Variants in IRF8 observed in about 807,000 individuals in gnomAD.
IRF8 encodes the protein interferon regulatory factor 8.
Under a neutral mutation model 48.7 loss-of-function variants are expected in IRF8, and 14 were observed. That is an observed-to-expected ratio of 0.29 (90% CI 0.19 to 0.45). The LOEUF (loss-of-function observed/expected upper bound fraction) is 0.45, where lower values mean the gene tolerates loss of function less well. IRF8 is among the 20% of genes least tolerant of loss of function. The pLI, the probability that IRF8 is intolerant of heterozygous loss-of-function variation, is 1.00. For missense variants in IRF8, 493 were observed against 580.7 expected (o/e 0.85, Z 1.55); for synonymous variants, 278 against 227.3 (o/e 1.22, Z -2.01).
intron 6 of IRF8, among the ~76,000 whole-genome samples, chr16:85,915,213 G>C (rs1317600824): frequency 1.3e-5 from 2 of 152,236 alleles, no homozygotes; most frequent in Non-Finnish European, 2.9e-5. Flanking sequence ...CTGCACTTCT[G>C]CCAGCTGCCC....
rs1905071106 is a variant in IRF8 at position 85,908,883 on chromosome 16, AC to A, written c.175-106del. ...GAAATTGAATGAGAGTTGATGGCCA[AC>A]AAAGATTCATGGGAAGGGAAGGATG... On this transcript the variant is annotated intron_variant, in intron 2 of 8. Transcript: ENST00000268638. 4 of 997,904 alleles carry A rather than the reference AC, an allele frequency of 4.0e-6. No homozygotes were observed. In the East Asian group the frequency reaches 9.5e-5, roughly 24 times the overall value. 61.8% of individuals were successfully genotyped at this position (997,904 alleles called of 1,614,324 possible). A position where few individuals can be genotyped will look rare whatever the true frequency, so the allele number is the denominator to read the frequency against.
At chr16:85,904,616 C>T (rs147798685) in intron 2 of IRF8, among the ~76,000 whole-genome samples, 71 of 152,170 alleles carry the variant, frequency 4.7e-4, no homozygotes, top group Admixed American at 4.3e-3. Flanking sequence ...TTACTGACCA[C>T]GCCAAGGAAT....
In IRF8 at chr16:85,914,604, G is replaced by C. The variant is rs1181239858; in HGVS notation, c.601+84G>C. 9.3e-6 allele frequency: 14 copies of C among 1,500,162 alleles called. No homozygotes were observed. In the South Asian group the frequency reaches 1.1e-4, roughly 12 times the overall value. 92.9% of individuals were successfully genotyped at this position (1,500,162 alleles called of 1,614,324 possible). Reference sequence around the variant, plus strand: ...AACCCAAGCAGGGTTGCGGGGTTTCGAGGATGAGCAGGACCTGGTGTGGAA... The same window carrying C: ...AACCCAAGCAGGGTTGCGGGGTTTCCAGGATGAGCAGGACCTGGTGTGGAA... On this transcript the variant is annotated intron_variant, in intron 6 of 8. Transcript: ENST00000268638.
intron 1 of IRF8, among the ~76,000 whole-genome samples, chr16:85,899,984 T>A (rs1904777837): frequency 6.6e-6 from 1 of 152,300 alleles, no homozygotes; most frequent in African/African-American, 2.4e-5. Context: ...GCCCCCCACT[T>A]TCTTTTTTTA....
In IRF8 at chr16:85,920,159, G is replaced by T; in HGVS notation, c.1039G>T (p.Val347Leu). 1.2e-6 allele frequency: 2 copies of T among 1,613,998 alleles called. No individual in the cohort carries two copies. The highest frequency in any genetic ancestry group is 8.5e-7 in the Non-Finnish European group (1 of 1,179,978). ...GGGCCGGCTTCCTGACGGCAGGGTG[G>T]TGCTGTGCTTTGGGGAAGAGTTTCC... is the stretch of plus-strand genomic sequence containing the variant. The part of the protein sequence containing the change: ...SQGRLPDGRV[V>L]LCFGEEFPDM... The change falls in exon 8 of 9, where the codon GTG (valine) becomes TTG (leucine). Residue 347 changes from valine to leucine, a missense_variant. Coordinates refer to ENST00000268638, the MANE Select transcript of IRF8 (RefSeq NM_002163.4).
At chr16:85,904,159 G>A (rs981082230) in intron 2 of IRF8, among the ~76,000 whole-genome samples, 9 of 152,170 alleles carry the variant, frequency 5.9e-5, no homozygotes, top group South Asian at 2.1e-4. Flanking sequence ...AGACTTCCAC[G>A]TTTGCCAGTG....
chr16:85,900,363 A>G (rs1484295119), intron 1 of IRF8, among the ~76,000 whole-genome samples: 1 of 152,208 alleles, frequency 6.6e-6, no homozygotes, highest in Non-Finnish European at 1.5e-5. Context: ...CAAAATCAAG[A>G]AGAGGAAGTT....
At chr16:85,908,276 C>T (rs1206814957) in intron 2 of IRF8, among the ~76,000 whole-genome samples, 1 of 152,136 alleles carries the variant, frequency 6.6e-6, no homozygotes, top group Non-Finnish European at 1.5e-5. Context: ...ATTCACCTGT[C>T]TTATTTTTTT....
chr16:85,915,993 C>T (rs993513368), intron 6 of IRF8, among the ~76,000 whole-genome samples: 1 of 151,560 alleles, frequency 6.6e-6, no homozygotes, highest in African/African-American at 2.4e-5. Context: ...TAATAATCTA[C>T]CTTACAGGGT....
chr16:85,903,706 C>G (rs948138496), intron 2 of IRF8, among the ~76,000 whole-genome samples: 1 of 152,166 alleles, frequency 6.6e-6, no homozygotes, highest in African/African-American at 2.4e-5. Flanking sequence ...GTCTCACCTC[C>G]CTTGAGAGTA....
intron 2 of IRF8, among the ~76,000 whole-genome samples, chr16:85,906,063 GA>G (rs1296886709): frequency 1.3e-5 from 2 of 152,194 alleles, no homozygotes; most frequent in Admixed American, 6.5e-5. Flanking sequence ...GACAAGGGGG[GA>G]AAATCTAGTT....
chr16:85,902,750 C>T lies in IRF8; in HGVS notation c.-1-265C>T, dbSNP rs1319832748. 2.3e-5 allele frequency: 12 copies of T among 516,866 alleles called. No homozygotes were observed. The Admixed American group carries it at 2.9e-4, about 12-fold the overall frequency. The allele number at this position is 516,866 out of a possible 1,614,324, so 32.0% of individuals were successfully genotyped here. ...CAGATGAAAGCTGGAAGGAGCACAGCCAGCACAGTGGGAGGGGCCTGCAGG... is the reference window on the plus strand; with the variant it reads ...CAGATGAAAGCTGGAAGGAGCACAGTCAGCACAGTGGGAGGGGCCTGCAGG... On this transcript the variant is annotated intron_variant, in intron 1 of 8. Coordinates refer to ENST00000268638, the MANE Select transcript of IRF8 (RefSeq NM_002163.4).
chr16:85,902,348 T>C (rs1904850624), intron 1 of IRF8, among the ~76,000 whole-genome samples: 2 of 152,240 alleles, frequency 1.3e-5, no homozygotes, highest in African/African-American at 4.8e-5. Context: ...AGGTAGTGTT[T>C]TGTTAGCTGC....
Position 85,903,051 on chromosome 16 carries a change from G to A in IRF8, c.36G>A (p.Gln12=). 6.2e-7 allele frequency: 1 copy of A among 1,614,200 alleles called. No homozygotes were observed. The highest frequency in any genetic ancestry group is 1.3e-5 in the African/African-American group (1 of 75,050). ...GGAATGGTGGTCGGCGGCTTCGACA[G>A]TGGCTGATCGAGCAGATTGACAGTA... The part of the protein sequence containing the change: ...CDRNGGRRLR[Q]WLIEQIDSSM... The change falls in exon 2 of 9, where the codon CAG becomes CAA. Residue 12 remains glutamine (Q), a synonymous_variant. Coordinates refer to ENST00000268638, the MANE Select transcript of IRF8 (RefSeq NM_002163.4).
At chr16:85,915,183 T>G (rs1035400656) in intron 6 of IRF8, among the ~76,000 whole-genome samples, 2 of 152,216 alleles carry the variant, frequency 1.3e-5, no homozygotes, top group East Asian at 3.9e-4. Context: ...GTGTGTAGTC[T>G]CAGCGGCTAA....
At position 85,918,821 on chromosome 16, in the gene IRF8, C is replaced by T. The variant is rs1157981766; in HGVS notation, c.988+18C>T. 2 of 1,604,018 alleles carry T rather than the reference C, an allele frequency of 1.2e-6. No homozygotes were observed. The highest frequency in any genetic ancestry group is 2.7e-5 in the African/African-American group (2 of 74,946). ...CTTCCGAGGTCTGTACCGTCGTCAC[C>T]TTGCTGCCCCCACATCTTAGAGATC... On this transcript the variant is annotated intron_variant, in intron 7 of 8. Transcript: ENST00000268638.
chr16:85,908,044 A>C (rs1391330322), intron 2 of IRF8, among the ~76,000 whole-genome samples: 2 of 152,162 alleles, frequency 1.3e-5, no homozygotes, highest in African/African-American at 4.8e-5. Flanking sequence ...AAGTGGGTAC[A>C]GCTGGCATTT....
chr16:85,921,050 C>T (rs1441826917), intron 8 of IRF8, 56 bp from the exon 9 acceptor site: 15 of 1,537,630 alleles, frequency 9.8e-6, no homozygotes, highest in Non-Finnish European at 1.2e-5. Context: ...AAAGACAGTG[C>T]CCACCCCCTT....
At chr16:85,901,035 GC>G (rs749810963) in intron 1 of IRF8, 9 of 152,226 alleles carry the variant, frequency 5.9e-5, no homozygotes, top group Non-Finnish European at 1.3e-4. Context: ...CCACCTCTGT[GC>G]AGCTCATTCC....
Sources: gnomAD v4.1 joint callset for allele counts (sites outside exome capture counted in the v4.1 genomes callset) on GRCh38, gnomAD v4.1.1 for gene constraint, MANE v1.5 for transcripts, NCBI Gene and HGNC (gene_info 2026-07-23, HGNC 2026-07-21) for gene names.